Variants in SEZ6 observed in about 807,000 individuals in gnomAD.
SEZ6 encodes the protein seizure protein 6 homolog.
SEZ6 carries 53 observed loss-of-function variants against 101.0 expected under a neutral mutation model. The observed-to-expected ratio is 0.52, with a 90% CI of 0.42 to 0.66. SEZ6 has a LOEUF of 0.66. SEZ6 is among the 30% of genes least tolerant of loss of function. The pLI is 0.00. For synonymous variants in SEZ6, 488 were observed against 512.2 expected (o/e 0.95, Z 0.64); for missense variants, 1,102 against 1,289.4 (o/e 0.85, Z 2.23).
At chr17:28,982,955 C>A (rs574875456) in intron 1 of SEZ6, among the ~76,000 whole-genome samples, 2 of 151,518 alleles carry the variant, frequency 1.3e-5, no homozygotes, top group African/African-American at 4.8e-5. Context: ...CATGAGCCAC[C>A]GCACCCGACC....
rs1204566341 is a variant in SEZ6, at chr17:28,955,929, C to A, written c.*33G>T. ...GGACTGTGGTGCAAGTCTGAGTTGA[C>A]TTCCCTAGACTGCCCCCACCTAGAT... is the stretch of plus-strand genomic sequence containing the variant. On this transcript the variant is annotated 3_prime_UTR_variant, in exon 17 of 17. Coordinates refer to ENST00000317338, the MANE Select transcript of SEZ6 (RefSeq NM_178860.5). The A allele has an allele frequency of 1.2e-6, 2 of 1,608,300 alleles. No individual in the cohort carries two copies. The highest frequency in any genetic ancestry group is 1.7e-6 in the Non-Finnish European group (2 of 1,177,306).
At position 28,963,972 on chromosome 17, in the gene SEZ6, G is replaced by A. The variant is rs113031217; in HGVS notation, c.1230C>T (p.Pro410=). 8.8e-5 allele frequency: 141 copies of A among 1,611,004 alleles called. No homozygotes were observed. The highest frequency in any genetic ancestry group is 1.2e-4 in the Non-Finnish European group (136 of 1,178,716). The change falls in exon 5 of 17, where the codon CCC becomes CCT. Residue 410 remains proline (P), a synonymous_variant. Transcript: ENST00000317338. ...ATQPFWDSKE[P]VCIAACGGVI... ...CCCCTGGGCACTCACCGATGCAGAC[G>A]GGCTCCTTTGAATCCCAGAAGGGCT...
At chr17:28,985,087 C>T (rs1225027733) in intron 1 of SEZ6, among the ~76,000 whole-genome samples, 1 of 152,190 alleles carries the variant, frequency 6.6e-6, no homozygotes, top group Admixed American at 6.5e-5. Flanking sequence ...CTCGCAGTGA[C>T]GCAGCTGGGA....
At chr17:28,998,495 G>A (rs2041572889) in intron 1 of SEZ6, among the ~76,000 whole-genome samples, 1 of 152,004 alleles carries the variant, frequency 6.6e-6, no homozygotes, top group Non-Finnish European at 1.5e-5. Flanking sequence ...ATTTGGTGCT[G>A]CAGAATCCAA....
intron 4 of SEZ6, among the ~76,000 whole-genome samples, chr17:28,964,980 C>T (rs971286309): frequency 4.0e-5 from 6 of 151,762 alleles, no homozygotes; most frequent in East Asian, 3.9e-4. Context: ...CGCTTGAACC[C>T]GGGAGGTGGA....
chr17:28,981,348 C>T lies in SEZ6; in HGVS notation c.724+23G>A, dbSNP rs1021832481. The T allele has an allele frequency of 3.9e-6, 6 of 1,527,374 alleles. No individual in the cohort carries two copies. The African/African-American group carries it at 4.1e-5, about 10-fold the overall frequency. 94.6% of individuals were successfully genotyped at this position (1,527,374 alleles called of 1,614,324 possible). On this transcript the variant is annotated intron_variant, in intron 2 of 16. Transcript: ENST00000317338. The stretch of plus-strand genomic sequence containing the variant: ...GCCTCCCCCATCCCCATTTCCACAT[C>T]TGCAAGCCAGCAGGTAGCTGACCTG...
chr17:28,960,016 T>C, intron 7 of SEZ6, 124 bp from the exon 8 acceptor site: 1 of 1,081,108 alleles, frequency 9.2e-7, no homozygotes, highest in Non-Finnish European at 1.3e-6. Flanking sequence ...ATATATGTCC[T>C]GGGGTTGGAG....
chr17:29,003,944 A>G (rs1266220338), intron 1 of SEZ6, among the ~76,000 whole-genome samples: 1 of 152,026 alleles, frequency 6.6e-6, no homozygotes, highest in African/African-American at 2.4e-5. Context: ...ATTCCTCCTA[A>G]CACTCACACC....
chr17:28,965,301 G>C (rs1274226491), intron 4 of SEZ6, among the ~76,000 whole-genome samples: 1 of 152,208 alleles, frequency 6.6e-6, no homozygotes, highest in African/African-American at 2.4e-5. Context: ...GCAGTGAGCC[G>C]AGATCGTGCC....
rs1333356578 is a variant in SEZ6, at chr17:28,960,836, C to T, written c.1378G>A (p.Glu460Lys). The change falls in exon 6 of 17, where the codon GAG becomes AAG. Residue 460 changes from glutamate (E) to lysine (K), a missense_variant. Transcript: ENST00000317338. ...PEGQRLHLHFEKVSLAEDDDR... is the reference protein window; with the variant it reads ...PEGQRLHLHFKKVSLAEDDDR... ...TCATCCTCTGCCAGGGAAACCTTCT[C>T]AAAGTGCAGGTGTAGCCGCTGGCCC... 2.5e-6 allele frequency: 4 copies of T among 1,613,840 alleles called. No individual in the cohort carries two copies. The highest frequency in any genetic ancestry group is 3.4e-6 in the Non-Finnish European group (4 of 1,179,862).
intron 3 of SEZ6, among the ~76,000 whole-genome samples, chr17:28,979,156 C>T (rs1210656358): frequency 6.6e-6 from 1 of 152,000 alleles, no homozygotes; most frequent in Non-Finnish European, 1.5e-5. Flanking sequence ...AAGTCTTAAT[C>T]CTAACGGAGG....
chr17:28,996,417 T>G (rs2041542586), intron 1 of SEZ6, among the ~76,000 whole-genome samples: 1 of 152,032 alleles, frequency 6.6e-6, no homozygotes, highest in Admixed American at 6.5e-5. Context: ...CTCCAGCCCA[T>G]GAGGCTGGCC....
chr17:28,982,865 G>C (rs757765636), intron 1 of SEZ6, among the ~76,000 whole-genome samples: 18 of 152,064 alleles, frequency 1.2e-4, no homozygotes, highest in Non-Finnish European at 2.5e-4. Context: ...TAGAGATGGA[G>C]ATCTCACTAT....
Position 28,955,483 on chromosome 17 carries a change from A to C in SEZ6, c.*479T>G, listed in dbSNP as rs1259977904. 2.6e-6 allele frequency: 1 copy of C among 389,298 alleles called. No homozygotes were observed. The highest frequency in any genetic ancestry group is 1.9e-5 in the South Asian group (1 of 53,510). 24.1% of individuals were successfully genotyped at this position (389,298 alleles called of 1,614,324 possible). A position where few individuals can be genotyped will look rare whatever the true frequency, so the allele number is the denominator to read the frequency against. On this transcript the variant is annotated 3_prime_UTR_variant, in exon 17 of 17. Transcript: ENST00000317338. ...TGATGTTGGCATGCCAGGACTACCC[A>C]GAGGTCACCGTTGAGAGGAGTTTTG...
Position 28,956,415 on chromosome 17 carries a change from A to G in SEZ6, c.2784T>C (p.Ala928=), listed in dbSNP as rs1397147695. The part of the protein sequence containing the change: ...SSTLDAAHIA[A]AIFLPLVAMV... Reference sequence around the variant, plus strand: ...TCGCCACCAGTGGCAAGAAGATGGCAGCTGCAATGTGGGCAGCATCCAGGG... The same window carrying G: ...TCGCCACCAGTGGCAAGAAGATGGCGGCTGCAATGTGGGCAGCATCCAGGG... The change falls in exon 15 of 17, where the codon GCT becomes GCC. Residue 928 remains alanine (A), a synonymous_variant. Transcript: ENST00000317338. The G allele has an allele frequency of 6.4e-7, 1 of 1,568,390 alleles. No individual in the cohort carries two copies. Among genetic ancestry groups the G allele is most frequent in the South Asian group, 1.2e-5 (1 of 85,092 alleles).
chr17:28,970,473 G>A (rs1372596865), intron 3 of SEZ6, among the ~76,000 whole-genome samples: 2 of 152,162 alleles, frequency 1.3e-5, no homozygotes, highest in African/African-American at 4.8e-5. Context: ...AGTTCCCCTG[G>A]GAATGATCTT....
intron 3 of SEZ6, among the ~76,000 whole-genome samples, chr17:28,978,211 A>G (rs563169860): frequency 6.6e-6 from 1 of 152,346 alleles, no homozygotes; most frequent in African/African-American, 2.4e-5. Context: ...GCGCCCTGCC[A>G]GATTCCCTCA....
rs576757344 is a variant in SEZ6, at chr17:28,994,688, C to T, written c.55+11127G>A. ...CCTCCCAAAGTGCTGGGATTACAGG[C>T]GTAAGCCACCGCGTCCGGCCCGGTT... On this transcript the variant is annotated intron_variant, in intron 1 of 16. Transcript: ENST00000317338. 7.2e-5 allele frequency among the ~76,000 whole-genome samples: 11 copies of T among 152,000 alleles called. No homozygotes were observed. In the East Asian group the frequency reaches 1.6e-3, roughly 22 times the overall value.
intron 14 of SEZ6, 101 bp from the exon 15 acceptor site, chr17:28,956,568 G>A: frequency 4.8e-6 from 7 of 1,471,602 alleles, no homozygotes; most frequent in Non-Finnish European, 6.5e-6. Flanking sequence ...GCTCCCTCTA[G>A]CTGGCTGGGT....
Sources: gnomAD v4.1 joint callset for allele counts (sites outside exome capture counted in the v4.1 genomes callset) on GRCh38, gnomAD v4.1.1 for gene constraint, MANE v1.5 for transcripts, NCBI Gene and HGNC (gene_info 2026-07-23, HGNC 2026-07-21) for gene names.